GJA9: variants seen among roughly 807,000 people sequenced by gnomAD.
GJA9 encodes the protein gap junction alpha-9 protein.
In GJA9, 1 loss-of-function variant was observed where a neutral mutation model predicts 0.4. The ratio of observed to expected loss-of-function variants is 2.50; its 90% confidence interval spans 0.89 to 11.88. The LOEUF (loss-of-function observed/expected upper bound fraction) is 11.88. Among genes scored for constraint, GJA9 ranks in the 30% most tolerant of loss-of-function variants. The pLI is 0.12. For synonymous variants in GJA9, 190 were observed against 219.1 expected (o/e 0.87, Z 1.17); for missense variants, 550 against 602.8 (o/e 0.91, Z 0.92).
Position 38,875,064 on chromosome 1 carries a change from G to A in GJA9, c.1035C>T (p.His345=). ...TLSTSCSHFQ[H]ISSNNNKDTH... is the part of the protein sequence containing the mutation. ...TGTCTTTGTTATTGTTTGAACTGAT[G>A]TGTTGAAAATGACTACAACTAGTAC... The change falls in exon 2 of 2, where the codon CAC becomes CAT. Residue 345 remains histidine, a synonymous_variant. Transcript: ENST00000357771. The A allele has an allele frequency of 6.2e-7, 1 of 1,614,058 alleles. No homozygotes were observed. Among genetic ancestry groups the A allele is most frequent in the Admixed American group, 1.7e-5 (1 of 59,996 alleles).
Position 38,874,580 on chromosome 1 carries a change from T to C in GJA9, c.1519A>G (p.Arg507Gly). Residue 507 changes from arginine (R) to glycine (G), a missense_variant, in exon 2 of 2, where the codon AGG (arginine) becomes GGG (glycine). Physicochemically the swap from Arg to Gly is moderately radical, Grantham distance 125. Coordinates refer to ENST00000357771, the MANE Select transcript of GJA9 (RefSeq NM_030772.5). ...ATCTGAAGATCTGTGGGAACCCGCC[T>C]ACCAATGAGATTGTTCGTTAGGGAC... ...VVSLTNNLIG[R>G]RVPTDLQI 6.2e-7 allele frequency: 1 copy of C among 1,614,106 alleles called. No homozygotes were observed.
At position 38,874,793 on chromosome 1, in the gene GJA9, C is replaced by G. The variant is rs533049322; in HGVS notation, c.1306G>C (p.Gly436Arg). ...WGSSTEHENR[G>R]SPPKGNLKGQ... is the part of the protein sequence containing the mutation. ...TTGAGGTTACCTTTAGGAGGTGACC[C>G]CCGGTTTTCATGTTCTGTAGAGGAA... Residue 436 changes from glycine (G) to arginine (R), a missense_variant, in exon 2 of 2, where the codon GGG becomes CGG. By Grantham distance (125) the Gly-to-Arg change is moderately radical. Coordinates refer to ENST00000357771, the MANE Select transcript of GJA9 (RefSeq NM_030772.5). 15 of 1,614,104 alleles carry G rather than the reference C, an allele frequency of 9.3e-6. No homozygotes were observed. In the South Asian group the frequency reaches 1.2e-4, roughly 13 times the overall value.
In GJA9 at chr1:38,878,449, T is replaced by A. The variant is rs896990773; in HGVS notation, c.-95-2256A>T. Among the ~76,000 whole-genome samples the A allele has an allele frequency of 1.2e-4, 18 of 149,924 alleles. No individual in the cohort carries two copies. The East Asian group carries it at 3.6e-3, about 30-fold the overall frequency. ...TAATCCCAGCACTTTGGGAGGCCGA[T>A]GCGGATCACCTGAGGTCAGGAGTTC... is the stretch of plus-strand genomic sequence containing the variant. On this transcript the variant is annotated intron_variant, in intron 1 of 1. Transcript: ENST00000357771.
At position 38,875,966 on chromosome 1, in the gene GJA9, A is replaced by G; in HGVS notation, c.133T>C (p.Trp45Arg). 2 of 1,614,196 alleles carry G rather than the reference A, an allele frequency of 1.2e-6. No individual in the cohort carries two copies. Among genetic ancestry groups the G allele is most frequent in the Non-Finnish European group, 8.5e-7 (1 of 1,180,038 alleles). ...ATGAAGCCAGACTGCTCATCATTCC[A>G]GACATCTTCAGCTGCTACACCCAGA... Reference protein sequence around the residue: ...LVLGVAAEDVWNDEQSGFICN... With the variant: ...LVLGVAAEDVRNDEQSGFICN... Residue 45 changes from tryptophan (W) to arginine (R), a missense_variant, in exon 2 of 2, where the codon TGG becomes CGG. Coordinates refer to ENST00000357771, the MANE Select transcript of GJA9 (RefSeq NM_030772.5).
chr1:38,878,236 G>A (rs541390583), intron 1 of GJA9, among the ~76,000 whole-genome samples: 11 of 151,696 alleles, frequency 7.3e-5, no homozygotes, highest in African/African-American at 2.2e-4. Flanking sequence ...GTGCCACCAC[G>A]CTTGGCTAAT....
intron 1 of GJA9, among the ~76,000 whole-genome samples, chr1:38,879,640 AG>A (rs756113768): frequency 1.3e-5 from 2 of 152,260 alleles, no homozygotes; most frequent in Non-Finnish European, 2.9e-5. Context: ...ATTTAAATTT[AG>A]GAATGTAAAA....
chr1:38,877,985 A>G (rs2124279775), intron 1 of GJA9, among the ~76,000 whole-genome samples: 1 of 152,276 alleles, frequency 6.6e-6, no homozygotes, highest in African/African-American at 2.4e-5. Context: ...CTTCCTGGCA[A>G]TTGGTGAACA....
At position 38,875,628 on chromosome 1, in the gene GJA9, A is replaced by C; in HGVS notation, c.471T>G (p.Tyr157Ter). 2 of 1,614,232 alleles carry C rather than the reference A, an allele frequency of 1.2e-6. No homozygotes were observed. Among genetic ancestry groups the C allele is most frequent in the Non-Finnish European group, 1.7e-6 (2 of 1,180,034 alleles). The part of the protein sequence containing the change: ...APLRGTLLCT[Y>*]VIHIFTRSVV... The stretch of plus-strand genomic sequence containing the variant: ...CAGAGCGAGTGAAAATGTGTATCAC[A>C]TAAGTGCAAAGCAAGGTTCCTCTGA... Residue 157 changes from tyrosine to a stop codon, truncating the protein, a stop_gained, in exon 2 of 2, where the codon TAT becomes TAG. Coordinates refer to ENST00000357771, the MANE Select transcript of GJA9 (RefSeq NM_030772.5). LOFTEE classifies it low-confidence loss of function (END_TRUNC).
intron 1 of GJA9, among the ~76,000 whole-genome samples, 199 bp downstream of exon 1, chr1:38,881,233 T>G (rs1925677): frequency 0.41 from 61,581 of 151,946 alleles, 12,799 homozygotes; most frequent in Non-Finnish European, 0.45. Context: ...AGAAAGAAAA[T>G]ATTTTTTTCA....
Position 38,874,574 on chromosome 1 carries a change from C to G in GJA9, c.1525G>C (p.Val509Leu). 2 of 1,613,924 alleles carry G rather than the reference C, an allele frequency of 1.2e-6. No homozygotes were observed. The highest frequency in any genetic ancestry group is 2.2e-5 in the South Asian group (2 of 91,068). The part of the protein sequence containing the change: ...SLTNNLIGRR[V>L]PTDLQI ...GTTTAGATCTGAAGATCTGTGGGAA[C>G]CCGCCTACCAATGAGATTGTTCGTT... Residue 509 changes from valine (V) to leucine (L), a missense_variant, in exon 2 of 2, where the codon GTT becomes CTT. Coordinates refer to ENST00000357771, the MANE Select transcript of GJA9 (RefSeq NM_030772.5).
chr1:38,878,327 G>T (rs1030318380), intron 1 of GJA9, among the ~76,000 whole-genome samples: 1 of 149,254 alleles, frequency 6.7e-6, no homozygotes, highest in African/African-American at 2.5e-5. Flanking sequence ...TGATCCACCC[G>T]CCTCGGCCTC....
chr1:38,877,473 G>T (rs1201584597), intron 1 of GJA9, among the ~76,000 whole-genome samples: 1 of 152,050 alleles, frequency 6.6e-6, no homozygotes, highest in African/African-American at 2.4e-5. Context: ...GCCATTACTG[G>T]CTTGAAAAGT....
rs201133423 is a variant in GJA9 at position 38,878,079 on chromosome 1, C to CT, written c.-95-1887dup. ...TACTATGAAAAAGTATACTTTTTTT[C>CT]TTTTTTTTTGGTGGGGGGAGACAGA... On this transcript the variant is annotated intron_variant, in intron 1 of 1. Transcript: ENST00000357771. Among the ~76,000 whole-genome samples, 28 of 130,608 alleles carry CT rather than the reference C, an allele frequency of 2.1e-4. No homozygotes were observed. The East Asian group carries it at 3.0e-3, about 14-fold the overall frequency. 85.7% of individuals were successfully genotyped at this position (130,608 alleles called of 152,430 possible).
chr1:38,880,845 A>C (rs2124286579), intron 1 of GJA9, among the ~76,000 whole-genome samples: 1 of 152,332 alleles, frequency 6.6e-6, no homozygotes, highest in Admixed American at 6.5e-5. Flanking sequence ...TAATAATGTA[A>C]GCAAAGATGT....
Position 38,874,923 on chromosome 1 carries a change from A to G in GJA9, c.1176T>C (p.Gly392=), listed in dbSNP as rs1642553910. ...TGTTGTTCTCTCCATCTATAGCAAC[A>G]CCTGGAATAGAACGGTGACCTCTAG... The part of the protein sequence containing the change: ...YYSRGHRSIP[G]VAIDGENNMR... Residue 392 remains glycine (G), a synonymous_variant, in exon 2 of 2, where the codon GGT becomes GGC. Transcript: ENST00000357771. 1 of 1,614,152 alleles carries G rather than the reference A, an allele frequency of 6.2e-7. No individual in the cohort carries two copies.
At chr1:38,876,690 ATATTCTC>A (rs1400856694) in intron 1 of GJA9, among the ~76,000 whole-genome samples, 1 of 152,138 alleles carries the variant, frequency 6.6e-6, no homozygotes, top group East Asian at 1.9e-4. Flanking sequence ...AGGAGTGTAT[ATATTCTC>A]TATTAAGAAT....
intron 1 of GJA9, among the ~76,000 whole-genome samples, chr1:38,877,743 C>T (rs926777952): frequency 6.6e-6 from 1 of 151,998 alleles, no homozygotes; most frequent in East Asian, 1.9e-4. Context: ...GTGATCCACC[C>T]GCCTCAGCCT....
chr1:38,879,087 A>G (rs1186501232), intron 1 of GJA9, among the ~76,000 whole-genome samples: 1 of 152,132 alleles, frequency 6.6e-6, no homozygotes, highest in Non-Finnish European at 1.5e-5. Context: ...GTTCACTGGT[A>G]TGGTGGCAGT....
intron 1 of GJA9, 34 bp from the exon 2 acceptor site, chr1:38,876,227 T>C (rs982149649): frequency 6.7e-6 from 5 of 742,392 alleles, no homozygotes; most frequent in Non-Finnish European, 6.7e-6. Context: ...GTCACTTCTA[T>C]ATGCTGGTTG....
Sources: allele counts gnomAD v4.1 joint callset (sites outside exome capture counted in the v4.1 genomes callset), GRCh38; gene constraint gnomAD v4.1.1; transcripts MANE v1.5; gene names NCBI Gene and HGNC (gene_info 2026-07-23, HGNC 2026-07-21).